SULT1E1: variants seen among roughly 807,000 people sequenced by gnomAD.
The protein encoded by SULT1E1 is sulfotransferase family 1E member 1.
Under a neutral mutation model 33.6 loss-of-function variants are expected in SULT1E1, and 36 were observed. The observed-to-expected ratio is 1.07, with a 90% CI of 0.82 to 1.41. SULT1E1 has a LOEUF of 1.41. Ranked by LOEUF, SULT1E1 falls within the 40% of genes most tolerant of loss-of-function variation. The probability of loss-of-function intolerance (pLI) is 0.00; values close to 1 mark genes in which losing one functional copy is unlikely to be tolerated. For synonymous variants in SULT1E1, 121 were observed against 111.7 expected (o/e 1.08, Z -0.53); for missense variants, 371 against 345.7 (o/e 1.07, Z -0.58).
Position 69,844,108 on chromosome 4 carries a change from C to A in SULT1E1, c.772+53G>T, listed in dbSNP as rs188173834. 117 of 1,576,066 alleles carry A rather than the reference C, an allele frequency of 7.4e-5. 1 individual carries two copies. In the East Asian group the frequency reaches 2.4e-3, roughly 33 times the overall value. ...TACCTCACTAGATTTTTGCCTATAA[C>A]CATGTCACCTTGTGACTTCCTCTAG... On this transcript the variant is annotated intron_variant, in intron 7 of 7. Transcript: ENST00000226444.
the SULT1E1 span, among the ~76,000 whole-genome samples, chr4:69,827,728 A>T: frequency 2.0e-5 from 3 of 152,206 alleles, no homozygotes; most frequent in Admixed American, 2.0e-4. Context: ...GCCAAGAGGA[A>T]CAGGCCCAAA....
chr4:69,837,634 C>T (rs1329231696), downstream of SULT1E1, among the ~76,000 whole-genome samples: 1 of 151,886 alleles, frequency 6.6e-6, no homozygotes, highest in Non-Finnish European at 1.5e-5. Flanking sequence ...ACCCTAAAGA[C>T]AAAAAAGAAC....
At position 69,855,385 on chromosome 4, in the gene SULT1E1, CT is replaced by C; in HGVS notation, c.186del (p.Glu63ArgfsTer11). The C allele has an allele frequency of 6.2e-7, 1 of 1,613,070 alleles. No individual in the cohort carries two copies. Among genetic ancestry groups the C allele is most frequent in the Non-Finnish European group, 8.5e-7 (1 of 1,179,470 alleles). On this transcript the variant is annotated frameshift_variant, in exon 3 of 8. Transcript: ENST00000226444. LOFTEE classifies it high-confidence loss of function. ...WVSEIVYMIY[K>X]EGDVEKCKED... ...TCTTTGCACTTTTCCACATCACCCT[CT>C]TTATAGATCATATACACAATTTCAC...
At chr4:69,839,351 A>G (rs1273226236), downstream of SULT1E1, among the ~76,000 whole-genome samples, 1 of 152,188 alleles carries the variant, frequency 6.6e-6, no homozygotes, top group African/African-American at 2.4e-5. Context: ...GAGAGGACTC[A>G]CTTTTGTAAT....
chr4:69,855,311 GT>G lies in SULT1E1; in HGVS notation c.260del (p.Asn87ThrfsTer3), dbSNP rs1721212346. 6 of 1,612,030 alleles carry G rather than the reference GT, an allele frequency of 3.7e-6. No individual in the cohort carries two copies. Among genetic ancestry groups the G allele is most frequent in the Non-Finnish European group, 5.1e-6 (6 of 1,178,960 alleles). On this transcript the variant is annotated frameshift_variant, in exon 3 of 8. Coordinates refer to ENST00000226444, the MANE Select transcript of SULT1E1 (RefSeq NM_005420.3). LOFTEE classifies it high-confidence loss of function. ...RIPFLECRKE[N>X]LMNGVKQLDE... is the part of the protein sequence containing the mutation. ...CAACTTGAACGTTACCATTCATGAG[GT>G]TTTCTTTTCTGCATTCCAGGAAAGG...
At chr4:69,838,574 T>C (rs1289491864), downstream of SULT1E1, 1 of 152,182 alleles carries the variant, frequency 6.6e-6, no homozygotes, top group Admixed American at 6.5e-5. Flanking sequence ...ACATTAGACC[T>C]AAAAATAAGT....
chr4:69,841,039 G>A (rs2110064048), downstream of SULT1E1, among the ~76,000 whole-genome samples: 1 of 152,096 alleles, frequency 6.6e-6, no homozygotes, highest in Non-Finnish European at 1.5e-5. Context: ...GAGACAGAGT[G>A]AGACTCCGTC....
chr4:69,836,862 G>A (rs926585025), downstream of SULT1E1, among the ~76,000 whole-genome samples: 1 of 150,314 alleles, frequency 6.7e-6, no homozygotes, highest in African/African-American at 2.5e-5. Flanking sequence ...TTGAAATATA[G>A]ACAATATCTA....
At chr4:69,832,910 C>T in the SULT1E1 span, among the ~76,000 whole-genome samples, 1 of 152,148 alleles carries the variant, frequency 6.6e-6, no homozygotes, top group Non-Finnish European at 1.5e-5. Context: ...GAGAACTTAT[C>T]TCCTCACATC....
In SULT1E1 at chr4:69,843,759, A is replaced by T. The variant is rs554026567; in HGVS notation, c.772+402T>A. Among the ~76,000 whole-genome samples, 3 of 152,302 alleles carry T rather than the reference A, an allele frequency of 2.0e-5. No individual in the cohort carries two copies. In the South Asian group the frequency reaches 6.2e-4, roughly 32 times the overall value. ...GTTTGCCACTTGTTAAAAAATGTTGACAAACTATTCTAAACTTATTTCTTC... is the reference window on the plus strand; with the variant it reads ...GTTTGCCACTTGTTAAAAAATGTTGTCAAACTATTCTAAACTTATTTCTTC... On this transcript the variant is annotated intron_variant, in intron 7 of 7. Coordinates refer to ENST00000226444, the MANE Select transcript of SULT1E1 (RefSeq NM_005420.3).
At chr4:69,856,091 C>G (rs1457205187) in intron 2 of SULT1E1, among the ~76,000 whole-genome samples, 1 of 152,110 alleles carries the variant, frequency 6.6e-6, no homozygotes, top group Non-Finnish European at 1.5e-5. Context: ...AAATTCACCA[C>G]TTGTGGGAGG....
chr4:69,840,496 A>T (rs1014307819), downstream of SULT1E1, among the ~76,000 whole-genome samples: 5 of 152,222 alleles, frequency 3.3e-5, no homozygotes, highest in South Asian at 2.1e-4. Context: ...ACAATAAAAA[A>T]TTTTAATTCT....
At chr4:69,849,879 C>T (rs187299381) in intron 4 of SULT1E1, among the ~76,000 whole-genome samples, 3 of 151,890 alleles carry the variant, frequency 2.0e-5, no homozygotes, top group African/African-American at 7.2e-5. Context: ...TTATTATTCT[C>T]AATGTATAAG....
At chr4:69,855,018 A>G (rs1721207213) in intron 3 of SULT1E1, among the ~76,000 whole-genome samples, 1 of 152,080 alleles carries the variant, frequency 6.6e-6, no homozygotes, top group Non-Finnish European at 1.5e-5. Flanking sequence ...TATTTAAAAT[A>G]TCATCACATT....
In SULT1E1 at chr4:69,841,840, CAAA is replaced by C. The variant is rs35543098; in HGVS notation, c.*151_*153del. 3.3e-3 allele frequency: 1,008 copies of C among 306,880 alleles called. No homozygotes were observed. The highest frequency in any genetic ancestry group is 6.1e-3 in the East Asian group (92 of 15,004). 19.0% of individuals were successfully genotyped at this position (306,880 alleles called of 1,614,324 possible). A position where few individuals can be genotyped will look rare whatever the true frequency, so the allele number is the denominator to read the frequency against. ...TAGGCAACAGAGTGAGACTCTGTCT[CAAA>C]AAAAAAAAAAAAAAGTTAAACAAAA... On this transcript the variant is annotated 3_prime_UTR_variant, in exon 8 of 8. Transcript: ENST00000226444.
In SULT1E1 at chr4:69,841,907, C is replaced by A; in HGVS notation, c.*87G>T. The A allele has an allele frequency of 5.9e-6, 4 of 681,936 alleles. No homozygotes were observed. Among genetic ancestry groups the A allele is most frequent in the Non-Finnish European group, 7.1e-6 (3 of 420,106 alleles). 42.2% of individuals were successfully genotyped at this position (681,936 alleles called of 1,614,324 possible). ...ATGTCAACATAATCCATGATTATGT[C>A]TTTTCTAGCAATCTAAAATAAGAAA... On this transcript the variant is annotated 3_prime_UTR_variant, in exon 8 of 8. Transcript: ENST00000226444.
chr4:69,845,626 G>T (rs1720962453), intron 6 of SULT1E1, among the ~76,000 whole-genome samples: 1 of 150,914 alleles, frequency 6.6e-6, no homozygotes, highest in Non-Finnish European at 1.5e-5. Context: ...CTTTCTACTG[G>T]ATACATTGTA....
Position 69,847,751 on chromosome 4 carries a change from C to T in SULT1E1, c.538G>A (p.Glu180Lys), listed in dbSNP as rs761102787. ...SWYKHVKSWW[E>K]KGKSPRVLFL... ...AGTACACGTGGACTCTTTCCCTTTT[C>T]CCACCAAGATTTTACATGTTTATAC... The change falls in exon 6 of 8, where the codon GAA becomes AAA. Residue 180 changes from glutamate (E) to lysine (K), a missense_variant. By Grantham distance (56) the Glu-to-Lys change is moderately conservative. Transcript: ENST00000226444. The T allele has an allele frequency of 2.5e-6, 4 of 1,609,254 alleles. No individual in the cohort carries two copies. In the Admixed American group the frequency reaches 6.7e-5, roughly 27 times the overall value.
At chr4:69,825,626 C>G in the SULT1E1 span, among the ~76,000 whole-genome samples, 113 of 152,262 alleles carry the variant, frequency 7.4e-4, 1 homozygote, top group Non-Finnish European at 1.2e-3. Flanking sequence ...GCATTGGTTT[C>G]CCTGGAACCA....
Sources: allele counts gnomAD v4.1 joint callset (sites outside exome capture counted in the v4.1 genomes callset), GRCh38; gene constraint gnomAD v4.1.1; transcripts MANE v1.5; gene names NCBI Gene and HGNC (gene_info 2026-07-23, HGNC 2026-07-21).